The following PIP5K1B variants were observed in gnomAD, a reference collection of about 807,000 sequenced individuals.
The protein encoded by PIP5K1B is phosphatidylinositol 4-phosphate 5-kinase type-1 beta.
In PIP5K1B, 42 loss-of-function variants were observed where a neutral mutation model predicts 67.0. The observed-to-expected ratio is 0.63, with a 90% CI of 0.49 to 0.81. The LOEUF (loss-of-function observed/expected upper bound fraction) is 0.81. Among genes scored for constraint, PIP5K1B ranks in the 30% least tolerant of loss-of-function variants. The pLI is 0.00. For synonymous variants in PIP5K1B, 214 were observed against 231.4 expected, an observed-to-expected ratio of 0.92 and a Z score of 0.68; for missense variants, 459 against 646.3, an observed-to-expected ratio of 0.71 and a Z score of 3.14.
chr9:68,778,448 T>G (rs1331177961), intron 2 of PIP5K1B, among the ~76,000 whole-genome samples: 1 of 152,192 alleles, frequency 6.6e-6, no homozygotes, highest in Non-Finnish European at 1.5e-5. Flanking sequence ...CTCACCAGTT[T>G]AAATAAAAAA....
At chr9:68,966,063 C>G (rs1418146743) in intron 14 of PIP5K1B, among the ~76,000 whole-genome samples, 1 of 150,976 alleles carries the variant, frequency 6.6e-6, no homozygotes, top group African/African-American at 2.4e-5. Flanking sequence ...AAAGAGCTCT[C>G]AATAGCTAAA....
chr9:68,785,563 G>T (rs1394896134), intron 2 of PIP5K1B, among the ~76,000 whole-genome samples: 2 of 152,180 alleles, frequency 1.3e-5, no homozygotes, highest in African/African-American at 4.8e-5. Flanking sequence ...CTATGTGTCA[G>T]GGACTGTTCT....
At chr9:68,843,320 G>C (rs1010760455) in intron 4 of PIP5K1B, 3 of 152,156 alleles carry the variant, frequency 2.0e-5, no homozygotes, top group African/African-American at 7.2e-5. Flanking sequence ...TGACTAGGAG[G>C]CTGCTAGAGC....
chr9:68,991,975 T>TG (rs1830389766), intron 15 of PIP5K1B, among the ~76,000 whole-genome samples: 1 of 148,418 alleles, frequency 6.7e-6, no homozygotes, highest in East Asian at 1.9e-4. Context: ...AAAAATTTTT[T>TG]TTGGGGGGGG....
At chr9:68,889,222 G>C in intron 7 of PIP5K1B, 89 bp downstream of exon 7, 2 of 922,814 alleles carry the variant, frequency 2.2e-6, no homozygotes, top group Non-Finnish European at 3.4e-6. Flanking sequence ...CAGTGACTCA[G>C]GCATGTTTCT....
chr9:68,837,603 T>TTG (rs1213606139), intron 4 of PIP5K1B, among the ~76,000 whole-genome samples: 3 of 68,664 alleles, frequency 4.4e-5, no homozygotes, highest in Non-Finnish European at 5.8e-5. Flanking sequence ...TTTCCTTACT[T>TTG]TGTGTTTTTT....
chr9:68,867,444 G>A (rs556968106), intron 5 of PIP5K1B, among the ~76,000 whole-genome samples: 1 of 152,358 alleles, frequency 6.6e-6, no homozygotes, highest in South Asian at 2.1e-4. Context: ...CGTGGATTTA[G>A]CAAAGGGATT....
chr9:68,746,075 TC>T (rs150443807), intron 2 of PIP5K1B, among the ~76,000 whole-genome samples: 170 of 124,128 alleles, frequency 1.4e-3, no homozygotes, highest in African/African-American at 4.9e-3. Flanking sequence ...TTGTGTTAAC[TC>T]TTTTTTTTTT....
intron 2 of PIP5K1B, among the ~76,000 whole-genome samples, chr9:68,776,842 T>C (rs1168704339): frequency 6.6e-6 from 1 of 152,208 alleles, no homozygotes; most frequent in Admixed American, 6.5e-5. Flanking sequence ...GCATTATTCA[T>C]TTGCAGCTGG....
At chr9:68,908,164 A>G (rs941126170) in intron 8 of PIP5K1B, among the ~76,000 whole-genome samples, 3 of 152,252 alleles carry the variant, frequency 2.0e-5, no homozygotes, top group African/African-American at 7.2e-5. Context: ...TAAATCATTC[A>G]TAGTAAAGCC....
rs1298245085 is a variant in PIP5K1B, at chr9:69,008,437, C to T, written c.1621-10C>T. ...ATCTAGTCTCACACCTGCTTTTTTGCTCCCCCCAGTAAGTGAAAATGGTGA... is the reference window on the plus strand; with the variant it reads ...ATCTAGTCTCACACCTGCTTTTTTGTTCCCCCCAGTAAGTGAAAATGGTGA... On this transcript the variant is annotated splice_polypyrimidine_tract_variant and intron_variant, in intron 15 of 15. Transcript: ENST00000265382. The T allele has an allele frequency of 1.2e-6, 2 of 1,613,380 alleles. No individual in the cohort carries two copies. Among genetic ancestry groups the T allele is most frequent in the Admixed American group, 1.7e-5 (1 of 60,006 alleles).
chr9:68,920,513 G>A (rs936350757), intron 11 of PIP5K1B, among the ~76,000 whole-genome samples: 1 of 151,454 alleles, frequency 6.6e-6, no homozygotes, highest in Non-Finnish European at 1.5e-5. Flanking sequence ...GACAACAGGT[G>A]CGTGCCACGA....
chr9:68,727,279 G>C (rs1828198199), intron 1 of PIP5K1B, among the ~76,000 whole-genome samples: 1 of 152,152 alleles, frequency 6.6e-6, no homozygotes, highest in Admixed American at 6.5e-5. Context: ...GTTACCTTGG[G>C]AGAATGAAAC....
rs190782896 is a variant in PIP5K1B, at chr9:68,926,566, T to A, written c.1201+3180T>A. 5.1e-4 allele frequency among the ~76,000 whole-genome samples: 78 copies of A among 152,246 alleles called. 1 individual carries two copies. The East Asian group carries it at 0.012, about 23-fold the overall frequency. On this transcript the variant is annotated intron_variant, in intron 12 of 15. Transcript: ENST00000265382. ...CAATCATCACCATTTTCTAATTTTT[T>A]AAATTTATTTATTTATTTATTTTGA... is the stretch of plus-strand genomic sequence containing the variant.
chr9:68,827,478 G>A (rs76867096), intron 4 of PIP5K1B, among the ~76,000 whole-genome samples: 7,222 of 152,258 alleles, frequency 0.047, 297 homozygotes, highest in East Asian at 0.24. Context: ...ATAAGCACAC[G>A]TGGCTGATGA....
chr9:68,805,694 G>A (rs773003582), intron 2 of PIP5K1B, among the ~76,000 whole-genome samples: 3 of 152,170 alleles, frequency 2.0e-5, no homozygotes, highest in Non-Finnish European at 4.4e-5. Context: ...TTAGGGTGTG[G>A]CTCTCCAGAG....
chr9:68,925,604 C>A (rs1048952118), intron 12 of PIP5K1B, among the ~76,000 whole-genome samples: 2 of 151,474 alleles, frequency 1.3e-5, no homozygotes, highest in African/African-American at 4.9e-5. Flanking sequence ...AGATATTAAC[C>A]CCTTTTTAAA....
chr9:68,940,871 A>T (rs1343243077), intron 14 of PIP5K1B, 81 bp downstream of exon 14: 1 of 1,276,202 alleles, frequency 7.8e-7, no homozygotes, highest in Admixed American at 1.7e-5. Context: ...CTGAATGAGG[A>T]CACGTCTCTA....
At chr9:68,818,918 T>G (rs1833590166) in intron 3 of PIP5K1B, among the ~76,000 whole-genome samples, 1 of 152,210 alleles carries the variant, frequency 6.6e-6, no homozygotes, top group African/African-American at 2.4e-5. Flanking sequence ...CTGTAGATAA[T>G]CACCAGAACT....
Sources: gnomAD v4.1 joint callset for allele counts (sites outside exome capture counted in the v4.1 genomes callset) on GRCh38, gnomAD v4.1.1 for gene constraint, MANE v1.5 for transcripts, NCBI Gene and HGNC (gene_info 2026-07-23, HGNC 2026-07-21) for gene names.